The following C10orf90 variants were observed in gnomAD, a reference collection of about 807,000 sequenced individuals.
C10orf90 encodes the protein (E2-independent) E3 ubiquitin-conjugating enzyme FATS.
In C10orf90, 56 loss-of-function variants were observed where a neutral mutation model predicts 62.5. The ratio of observed to expected loss-of-function variants is 0.90; its 90% confidence interval spans 0.72 to 1.12. The LOEUF is 1.12. C10orf90 is among the 50% of genes most tolerant of loss of function. The probability of loss-of-function intolerance (pLI) is 0.00; values close to 1 mark genes in which losing one functional copy is unlikely to be tolerated. For synonymous variants in C10orf90, 386 were observed against 340.4 expected (o/e 1.13, Z -1.47); for missense variants, 970 against 880.4 (o/e 1.10, Z -1.29).
intron 7 of C10orf90, among the ~76,000 whole-genome samples, chr10:126,442,392 A>C (rs777638474): frequency 6.8e-6 from 1 of 146,698 alleles, no homozygotes; most frequent in Non-Finnish European, 1.5e-5. Flanking sequence ...CTAACACTGG[A>C]GCTCCCAAAT....
chr10:126,567,336 A>G (rs909242976), intron 2 of C10orf90, among the ~76,000 whole-genome samples: 3 of 152,104 alleles, frequency 2.0e-5, no homozygotes, highest in African/African-American at 4.8e-5. Flanking sequence ...AAGGTGCTAC[A>G]CACTTTCAAA....
intron 2 of C10orf90, among the ~76,000 whole-genome samples, chr10:126,609,681 T>G (rs940294173): frequency 1.2e-4 from 18 of 152,170 alleles, no homozygotes; most frequent in African/African-American, 4.1e-4. Context: ...CAGGAGGGCC[T>G]TAGGAGCAGT....
intron 8 of C10orf90, among the ~76,000 whole-genome samples, chr10:126,428,122 G>A (rs1160078442): frequency 6.6e-6 from 1 of 152,146 alleles, no homozygotes; most frequent in Non-Finnish European, 1.5e-5. Context: ...CAGACATAAA[G>A]TGAAAAGCAA....
intron 2 of C10orf90, among the ~76,000 whole-genome samples, chr10:126,536,589 C>T (rs911922035): frequency 1.3e-5 from 2 of 152,200 alleles, no homozygotes; most frequent in African/African-American, 4.8e-5. Context: ...CAAGCTGTCC[C>T]ACCAAGCTAC....
chr10:126,425,149 A>G lies in C10orf90; in HGVS notation c.*715T>C, dbSNP rs1001180377. On this transcript the variant is annotated 3_prime_UTR_variant, in exon 10 of 10. Transcript: ENST00000488181. ...TTGGACCATTAGGCTATTTCTTAAC[A>G]AAAGAACTGTTTTAATGGGGCGGGG... is the stretch of plus-strand genomic sequence containing the variant. The G allele has an allele frequency of 3.3e-5, 5 of 152,218 alleles. No individual in the cohort carries two copies. The highest frequency in any genetic ancestry group is 7.3e-5 in the Non-Finnish European group (5 of 68,048). 9.4% of individuals were successfully genotyped at this position (152,218 alleles called of 1,614,324 possible).
chr10:126,440,452 C>T (rs1858231990), intron 7 of C10orf90, among the ~76,000 whole-genome samples: 1 of 152,166 alleles, frequency 6.6e-6, no homozygotes, highest in South Asian at 2.1e-4. Flanking sequence ...TCCTTCCCTA[C>T]CCACCCTGGT....
At chr10:126,479,797 A>C (rs915438766) in intron 4 of C10orf90, among the ~76,000 whole-genome samples, 1 of 152,182 alleles carries the variant, frequency 6.6e-6, no homozygotes, top group Admixed American at 6.5e-5. Flanking sequence ...TCTATTTGGG[A>C]TTTTAAGAAC....
chr10:126,577,562 T>C (rs1844652758), intron 2 of C10orf90, among the ~76,000 whole-genome samples: 1 of 152,088 alleles, frequency 6.6e-6, no homozygotes, highest in Admixed American at 6.6e-5. Flanking sequence ...GTTCATGGAT[T>C]AGAAGACCTG....
At chr10:126,510,681 G>T (rs1477814667) in intron 3 of C10orf90, among the ~76,000 whole-genome samples, 1 of 152,182 alleles carries the variant, frequency 6.6e-6, no homozygotes, top group East Asian at 1.9e-4. Context: ...TCTCATAGAT[G>T]CTGCTTTAAG....
chr10:126,528,623 C>T (rs1230035515), intron 2 of C10orf90, among the ~76,000 whole-genome samples: 1 of 152,220 alleles, frequency 6.6e-6, no homozygotes, highest in Non-Finnish European at 1.5e-5. Flanking sequence ...AAGGCCAGCT[C>T]CACCACGGCC....
chr10:126,519,130 C>T (rs1863605046), intron 2 of C10orf90, among the ~76,000 whole-genome samples: 1 of 152,126 alleles, frequency 6.6e-6, no homozygotes, highest in African/African-American at 2.4e-5. Flanking sequence ...AGACACTTGA[C>T]ATGGCCTTGT....
At chr10:126,635,273 C>G (rs757747256) in intron 2 of C10orf90, among the ~76,000 whole-genome samples, 1 of 152,146 alleles carries the variant, frequency 6.6e-6, no homozygotes, top group Non-Finnish European at 1.5e-5. Flanking sequence ...AAAGCACGGT[C>G]CTATTACAGA....
At chr10:126,472,745 C>T (rs992844696) in intron 4 of C10orf90, among the ~76,000 whole-genome samples, 4 of 152,148 alleles carry the variant, frequency 2.6e-5, no homozygotes, top group Non-Finnish European at 5.9e-5. Context: ...GACCAAGGTC[C>T]CCACAGAGTG....
chr10:126,648,075 G>A (rs1591172929), intron 1 of C10orf90, among the ~76,000 whole-genome samples: 2 of 152,204 alleles, frequency 1.3e-5, no homozygotes, highest in South Asian at 2.1e-4. Context: ...TAAGTCATGA[G>A]GACTCTGCCT....
Position 126,459,348 on chromosome 10 carries a change from C to T in C10orf90, c.2011-131G>A, listed in dbSNP as rs75501140. The T allele has an allele frequency of 2.0e-4, 189 of 969,170 alleles. 2 individuals are homozygous for T. The highest frequency in any genetic ancestry group is 1.7e-3 in the African/African-American group (105 of 61,126). 60.0% of individuals were successfully genotyped at this position (969,170 alleles called of 1,614,324 possible). A position where few individuals can be genotyped will look rare whatever the true frequency, so the allele number is the denominator to read the frequency against. ...GACCAAAAGCCACGGTGCAAAAGTA[C>T]GTCACGCTTTTCTTGCACATCTTTG... On this transcript the variant is annotated intron_variant, in intron 6 of 9. Coordinates refer to ENST00000488181, the MANE Select transcript of C10orf90 (RefSeq NM_001350921.2).
intron 4 of C10orf90, among the ~76,000 whole-genome samples, chr10:126,472,222 C>T (rs1366657801): frequency 6.6e-6 from 1 of 152,138 alleles, no homozygotes; most frequent in Non-Finnish European, 1.5e-5. Flanking sequence ...TTCATTAAGA[C>T]ATTTCCATTT....
In C10orf90 at chr10:126,530,325, T is replaced by TA. The variant is rs201484503; in HGVS notation, c.314-16387dup. ...CTTGACAAAGTTAAAAGGCAGTTCT[T>TA]AAAAAAAAACAAATCAGTCAAGAAA... On this transcript the variant is annotated intron_variant, in intron 2 of 9. Coordinates refer to ENST00000488181, the MANE Select transcript of C10orf90 (RefSeq NM_001350921.2). 7.7e-3 allele frequency among the ~76,000 whole-genome samples: 1,148 copies of TA among 148,710 alleles called. 10 individuals are homozygous for TA. Among genetic ancestry groups the TA allele is most frequent in the African/African-American group, 0.022 (887 of 40,558 alleles).
At chr10:126,609,604 T>C (rs148496948) in intron 2 of C10orf90, among the ~76,000 whole-genome samples, 239 of 152,294 alleles carry the variant, frequency 1.6e-3, no homozygotes, top group African/African-American at 5.6e-3. Context: ...CAGCAGACAG[T>C]GAACCACATG....
chr10:126,477,666 TG>T (rs1298899352), intron 4 of C10orf90, among the ~76,000 whole-genome samples: 10 of 152,220 alleles, frequency 6.6e-5, no homozygotes, highest in Admixed American at 5.2e-4. Context: ...GTACAGTTTT[TG>T]CTCCATTTCC....
Sources: gnomAD v4.1 joint callset for allele counts (sites outside exome capture counted in the v4.1 genomes callset) on GRCh38, gnomAD v4.1.1 for gene constraint, MANE v1.5 for transcripts, NCBI Gene and HGNC (gene_info 2026-07-23, HGNC 2026-07-21) for gene names.